FGF1: variants seen among roughly 807,000 people sequenced by gnomAD.
FGF1 encodes fibroblast growth factor 1, also known as beta-endothelial cell growth factor.
A neutral mutation model predicts 13.4 loss-of-function variants in FGF1; 9 were observed. That is an observed-to-expected ratio of 0.67 (90% CI 0.40 to 1.17). FGF1 has a LOEUF of 1.17. Among genes scored for constraint, FGF1 ranks in the 50% most tolerant of loss-of-function variants. The pLI, the probability that FGF1 is intolerant of heterozygous loss-of-function variation, is 0.01. For missense variants in FGF1, 156 were observed against 192.7 expected (o/e 0.81, Z 1.13); for synonymous variants, 93 against 79.0 (o/e 1.18, Z -0.94).
At chr5:142,690,376 C>T (rs1365108187), upstream of FGF1, among the ~76,000 whole-genome samples, 1 of 152,138 alleles carries the variant, frequency 6.6e-6, no homozygotes, top group Non-Finnish European at 1.5e-5. Context: ...TTTACCTTTA[C>T]TTAAAACGAA....
chr5:142,604,763 GA>G (rs1757285651), intron 2 of FGF1, among the ~76,000 whole-genome samples: 1 of 152,164 alleles, frequency 6.6e-6, no homozygotes, highest in South Asian at 2.1e-4. Context: ...CTAAGAAGGG[GA>G]AAAATCATGA....
At chr5:142,685,831 C>A (rs559141752) in intron 1 of FGF1, 126 bp downstream of exon 1, 44 of 152,002 alleles carry the variant, frequency 2.9e-4, no homozygotes, top group African/African-American at 9.2e-4. Flanking sequence ...CATTTTCTTT[C>A]TTCTCCAAGT....
At chr5:142,673,832 C>T (rs2152034156) in intron 1 of FGF1, among the ~76,000 whole-genome samples, 1 of 152,250 alleles carries the variant, frequency 6.6e-6, no homozygotes, top group East Asian at 1.9e-4. Flanking sequence ...ATTGCCTGAC[C>T]CCTGCTACAT....
chr5:142,620,109 A>C (rs1024663496), intron 1 of FGF1, among the ~76,000 whole-genome samples: 2 of 152,040 alleles, frequency 1.3e-5, no homozygotes, highest in African/African-American at 4.8e-5. Context: ...GATACCAGAC[A>C]AATGTTAACA....
intron 1 of FGF1, among the ~76,000 whole-genome samples, chr5:142,620,895 T>A (rs1042673956): frequency 4.6e-5 from 7 of 152,224 alleles, no homozygotes; most frequent in African/African-American, 1.7e-4. Context: ...GACTATTCTT[T>A]GGGCAGAATA....
At chr5:142,647,971 G>A (rs1766478841) in intron 1 of FGF1, among the ~76,000 whole-genome samples, 1 of 152,164 alleles carries the variant, frequency 6.6e-6, no homozygotes, top group South Asian at 2.1e-4. Context: ...TGTAATCCCA[G>A]CTACTTGCGA....
intron 1 of FGF1, among the ~76,000 whole-genome samples, chr5:142,663,863 C>T (rs1238391756): frequency 6.6e-6 from 1 of 152,128 alleles, no homozygotes; most frequent in Admixed American, 6.5e-5. Context: ...AGAGTTAAGA[C>T]ACTTGGAGAG....
Position 142,651,019 on chromosome 5 carries a change from G to C in FGF1, c.-35+34938C>G, listed in dbSNP as rs144620198. 3.7e-4 allele frequency among the ~76,000 whole-genome samples: 56 copies of C among 152,264 alleles called. 1 individual carries two copies. The East Asian group carries it at 0.01, about 28-fold the overall frequency. ...CACTGAGAGCCAAGTGTGTTAATGGGAGGGTGGTGCAAACGCAGCTTCAAT... is the reference window on the plus strand; with the variant it reads ...CACTGAGAGCCAAGTGTGTTAATGGCAGGGTGGTGCAAACGCAGCTTCAAT... On this transcript the variant is annotated intron_variant, in intron 1 of 3. Transcript: ENST00000337706.
intron 1 of FGF1, among the ~76,000 whole-genome samples, chr5:142,635,191 C>T (rs1479926437): frequency 6.6e-6 from 1 of 152,190 alleles, no homozygotes; most frequent in Non-Finnish European, 1.5e-5. Context: ...TCACTCCACT[C>T]CCTTGTGCCT....
At chr5:142,629,920 G>A (rs1313837336) in intron 1 of FGF1, among the ~76,000 whole-genome samples, 2 of 142,498 alleles carry the variant, frequency 1.4e-5, no homozygotes, top group African/African-American at 2.6e-5. Flanking sequence ...TTGAGATAGA[G>A]TCTCGCTCTG....
intron 1 of FGF1, among the ~76,000 whole-genome samples, chr5:142,634,284 A>C (rs537654293): frequency 6.6e-6 from 1 of 151,720 alleles, no homozygotes; most frequent in Non-Finnish European, 1.5e-5. Flanking sequence ...CACATCTCCC[A>C]CTTATTAAAT....
chr5:142,607,231 G>A (rs77144883), intron 2 of FGF1, among the ~76,000 whole-genome samples: 4,373 of 152,254 alleles, frequency 0.029, 91 homozygotes, highest in Non-Finnish European at 0.045. Flanking sequence ...GGGGAGGCAG[G>A]ACGGGTGGAT....
chr5:142,619,393 C>T (rs1561574283), intron 1 of FGF1, among the ~76,000 whole-genome samples: 4 of 152,172 alleles, frequency 2.6e-5, no homozygotes, highest in African/African-American at 7.2e-5. Flanking sequence ...ATATACAAAA[C>T]AGGCCTTGGC....
At chr5:142,642,517 A>G (rs1465353659) in intron 1 of FGF1, among the ~76,000 whole-genome samples, 4 of 152,232 alleles carry the variant, frequency 2.6e-5, no homozygotes, top group African/African-American at 9.6e-5. Context: ...ATATCAAGAT[A>G]TGAAGAGGGA....
intron 1 of FGF1, among the ~76,000 whole-genome samples, chr5:142,639,471 A>G (rs1258298434): frequency 6.6e-6 from 1 of 152,048 alleles, no homozygotes; most frequent in East Asian, 1.9e-4. Flanking sequence ...CCAGACACAG[A>G]AAGACAAATA....
intron 2 of FGF1, among the ~76,000 whole-genome samples, chr5:142,608,539 C>T (rs1188922529): frequency 7.8e-4 from 56 of 72,062 alleles, no homozygotes; most frequent in African/African-American, 2.5e-3. Flanking sequence ...TATATATACA[C>T]ATCTATATAT....
At chr5:142,653,674 C>A (rs1767661243) in intron 1 of FGF1, among the ~76,000 whole-genome samples, 1 of 152,226 alleles carries the variant, frequency 6.6e-6, no homozygotes, top group Non-Finnish European at 1.5e-5. Flanking sequence ...TCCTCTACCC[C>A]TCAGCTCTCA....
chr5:142,592,368 A>G lies in FGF1; in HGVS notation c.*2922T>C, dbSNP rs1016895823. On this transcript the variant is annotated 3_prime_UTR_variant, in exon 4 of 4. Transcript: ENST00000337706. ...CCTTTGCCTCTGACACAAAGCAAGGACCTTCAGTACTAGCTGATGCTCCAA... is the reference window on the plus strand; with the variant it reads ...CCTTTGCCTCTGACACAAAGCAAGGGCCTTCAGTACTAGCTGATGCTCCAA... 1 of 398,420 alleles carries G rather than the reference A, an allele frequency of 2.5e-6. No individual in the cohort carries two copies. Among genetic ancestry groups the G allele is most frequent in the African/African-American group, 2.1e-5 (1 of 48,628 alleles). 24.7% of individuals were successfully genotyped at this position (398,420 alleles called of 1,614,324 possible).
intron 1 of FGF1, among the ~76,000 whole-genome samples, chr5:142,655,097 C>G (rs1447586210): frequency 6.6e-6 from 1 of 152,178 alleles, no homozygotes; most frequent in Non-Finnish European, 1.5e-5. Context: ...CCTGGAGGAC[C>G]GAATGGTGCC....
Sources: gnomAD v4.1 joint callset for allele counts (sites outside exome capture counted in the v4.1 genomes callset) on GRCh38, gnomAD v4.1.1 for gene constraint, MANE v1.5 for transcripts, NCBI Gene and HGNC (gene_info 2026-07-23, HGNC 2026-07-21) for gene names.